RIMS2: variants seen among roughly 807,000 people sequenced by gnomAD.
RIMS2 encodes regulating synaptic membrane exocytosis protein 2.
In RIMS2, 59 loss-of-function variants were observed where a neutral mutation model predicts 174.4. The ratio of observed to expected loss-of-function variants is 0.34; its 90% CI spans 0.27 to 0.42. The LOEUF (loss-of-function observed/expected upper bound fraction) is 0.42. RIMS2 is among the 10% of genes least tolerant of loss of function. The probability of loss-of-function intolerance (pLI) is 1.00; values close to 1 mark genes in which losing one functional copy is unlikely to be tolerated. For missense variants in RIMS2, 1,620 were observed against 1,666.3 expected (o/e 0.97, Z 0.48); for synonymous variants, 606 against 572.5 (o/e 1.06, Z -0.84).
intron 15 of RIMS2, among the ~76,000 whole-genome samples, chr8:103,972,150 T>C (rs2154547901): frequency 6.6e-6 from 1 of 152,192 alleles, no homozygotes; most frequent in African/African-American, 2.4e-5. Flanking sequence ...ATTCTTATAG[T>C]TTACTGCCCA....
At chr8:104,015,321 C>A in intron 19 of RIMS2, 1 of 587,506 alleles carries the variant, frequency 1.7e-6, no homozygotes, top group South Asian at 2.2e-5. Flanking sequence ...ATAATACATT[C>A]TGTGCTTTTG....
At chr8:103,993,379 T>C (rs1289089059) in intron 17 of RIMS2, among the ~76,000 whole-genome samples, 1 of 152,094 alleles carries the variant, frequency 6.6e-6, no homozygotes, top group Non-Finnish European at 1.5e-5. Context: ...TTAATAGATA[T>C]ATATTCTAAA....
chr8:103,895,702 T>C (rs1203090266), intron 4 of RIMS2, among the ~76,000 whole-genome samples: 2 of 151,588 alleles, frequency 1.3e-5, no homozygotes, highest in East Asian at 1.9e-4. Flanking sequence ...TGGTTGAAAA[T>C]TGGGCATTTT....
chr8:103,569,869 G>A (rs2092682374), intron 1 of RIMS2, among the ~76,000 whole-genome samples: 1 of 151,456 alleles, frequency 6.6e-6, no homozygotes, highest in African/African-American at 2.4e-5. Flanking sequence ...CTGGCCTCAA[G>A]CAGTCCTACT....
At chr8:104,224,003 G>A (rs989813445) in intron 19 of RIMS2, among the ~76,000 whole-genome samples, 1 of 152,230 alleles carries the variant, frequency 6.6e-6, no homozygotes, top group African/African-American at 2.4e-5. Flanking sequence ...GCGCCGACTT[G>A]GGAAAAGGCT....
At chr8:103,596,362 A>C (rs906764877) in intron 1 of RIMS2, among the ~76,000 whole-genome samples, 5 of 152,080 alleles carry the variant, frequency 3.3e-5, no homozygotes, top group African/African-American at 1.2e-4. Flanking sequence ...ATACTCAAAT[A>C]CTTTATAAAC....
intron 19 of RIMS2, among the ~76,000 whole-genome samples, chr8:104,234,298 C>T (rs2099247373): frequency 6.6e-6 from 1 of 151,988 alleles, no homozygotes; most frequent in Non-Finnish European, 1.5e-5. Context: ...TAAAATATTG[C>T]CTCAAAATAT....
At chr8:104,180,590 G>T (rs2098934161) in intron 19 of RIMS2, among the ~76,000 whole-genome samples, 1 of 151,562 alleles carries the variant, frequency 6.6e-6, no homozygotes. Flanking sequence ...AATATGCATT[G>T]TATGTTATGT....
At chr8:104,099,156 G>A (rs2097820578) in intron 19 of RIMS2, among the ~76,000 whole-genome samples, 1 of 152,158 alleles carries the variant, frequency 6.6e-6, no homozygotes. Flanking sequence ...CTGACCACTG[G>A]TACAACAAAC....
At chr8:103,920,612 T>C (rs1248485958) in intron 9 of RIMS2, 5 of 456,636 alleles carry the variant, frequency 1.1e-5, no homozygotes, top group Non-Finnish European at 2.2e-5. Context: ...ACATACCTGC[T>C]TTACATCTCC....
intron 1 of RIMS2, among the ~76,000 whole-genome samples, chr8:103,546,559 C>G (rs570754442): frequency 3.3e-4 from 50 of 152,232 alleles, no homozygotes; most frequent in African/African-American, 1.2e-3. Context: ...AACTCTTCAC[C>G]CAAAACCAAC....
intron 1 of RIMS2, among the ~76,000 whole-genome samples, chr8:103,569,578 T>C (rs2092654671): frequency 6.6e-6 from 1 of 152,128 alleles, no homozygotes; most frequent in Admixed American, 6.5e-5. Context: ...CTTACACTGC[T>C]TTTATTAAAT....
intron 1 of RIMS2, among the ~76,000 whole-genome samples, chr8:103,618,778 C>T (rs1036212006): frequency 6.6e-6 from 1 of 152,070 alleles, no homozygotes; most frequent in African/African-American, 2.4e-5. Context: ...TGGGGGACTA[C>T]TTTAAGAATG....
chr8:103,936,755 C>T, intron 13 of RIMS2, 33 bp downstream of exon 15: 1 of 1,482,360 alleles, frequency 6.7e-7, no homozygotes, highest in Non-Finnish European at 9.2e-7. Context: ...TTATGCTATT[C>T]ATGTTATCCT....
At chr8:104,139,346 C>A (rs568225112) in intron 19 of RIMS2, among the ~76,000 whole-genome samples, 4 of 152,042 alleles carry the variant, frequency 2.6e-5, no homozygotes, top group African/African-American at 9.7e-5. Flanking sequence ...CTGTAGATTG[C>A]TTTGGGTAGT....
chr8:104,099,053 A>T (rs2130848685), intron 19 of RIMS2, among the ~76,000 whole-genome samples: 1 of 152,284 alleles, frequency 6.6e-6, no homozygotes, highest in Middle Eastern at 3.4e-3. Flanking sequence ...CATAGCTTAG[A>T]TGATAGTATG....
intron 1 of RIMS2, among the ~76,000 whole-genome samples, chr8:103,611,749 A>G (rs553582095): frequency 6.6e-5 from 10 of 151,866 alleles, no homozygotes; most frequent in African/African-American, 1.7e-4. Flanking sequence ...ATGCCTTGAC[A>G]TCGTCTTCTT....
intron 1 of RIMS2, among the ~76,000 whole-genome samples, chr8:103,603,519 G>A (rs1187427620): frequency 1.3e-5 from 2 of 152,064 alleles, no homozygotes; most frequent in African/African-American, 2.4e-5. Context: ...ACCCAGTAAT[G>A]GGATGGCTGG....
In RIMS2 at chr8:104,240,910, T is replaced by TA. The variant is rs560181823; in HGVS notation, c.3335-4005dup. Among the ~76,000 whole-genome samples the TA allele has an allele frequency of 1.5e-3, 221 of 152,264 alleles. 2 individuals carry two copies. The highest frequency in any genetic ancestry group is 4.8e-3 in the African/African-American group (201 of 41,552). On this transcript the variant is annotated intron_variant, in intron 19 of 23. Coordinates refer to ENST00000504942, the Ensembl canonical transcript of RIMS2. ...GCTTTAAATGCATTGTTTTCCTTAA[T>TA]ACTCACAAAAATTCCTACCTCATTC...
Sources: gnomAD v4.1 joint callset for allele counts (sites outside exome capture counted in the v4.1 genomes callset) on GRCh38, gnomAD v4.1.1 for gene constraint, MANE v1.5 for transcripts, NCBI Gene and HGNC (gene_info 2026-07-23, HGNC 2026-07-21) for gene names.